ALLC: variants seen among roughly 807,000 people sequenced by gnomAD.
The protein encoded by ALLC is allantoicase, also known as probable inactive allantoicase.
Under a neutral mutation model 45.0 loss-of-function variants are expected in ALLC, and 40 were observed. The observed-to-expected ratio is 0.89, with a 90% CI of 0.69 to 1.16. The LOEUF (loss-of-function observed/expected upper bound fraction) is 1.16, where lower values mean the gene tolerates loss of function less well. Ranked by LOEUF, ALLC falls within the 50% of genes most tolerant of loss-of-function variation. The pLI is 0.00. For synonymous variants in ALLC, 176 were observed against 178.1 expected (o/e 0.99, Z 0.09); for missense variants, 488 against 493.1 (o/e 0.99, Z 0.10).
At chr2:3,668,120 A>C (rs961192907) in intron 1 of ALLC, among the ~76,000 whole-genome samples, 1 of 152,186 alleles carries the variant, frequency 6.6e-6, no homozygotes, top group African/African-American at 2.4e-5. Context: ...TTTGGGAACA[A>C]AGATGGGCCC....
chr2:3,663,585 A>AG (rs1666627135), intron 1 of ALLC, among the ~76,000 whole-genome samples: 1 of 113,052 alleles, frequency 8.8e-6, no homozygotes, highest in East Asian at 2.5e-4. Context: ...TAAAAGTTGG[A>AG]AAAAAAAAAA....
chr2:3,649,127 G>A, the ALLC span, among the ~76,000 whole-genome samples: 12 of 152,174 alleles, frequency 7.9e-5, no homozygotes, highest in Admixed American at 6.5e-5. Context: ...GGGTGAAATG[G>A]CAGTTAATGA....
At chr2:3,647,019 G>A in the ALLC span, among the ~76,000 whole-genome samples, 1 of 152,056 alleles carries the variant, frequency 6.6e-6, no homozygotes. Context: ...GTGCCCTGCT[G>A]TCCATCATCC....
At chr2:3,651,292 CT>C in the ALLC span, among the ~76,000 whole-genome samples, 74,314 of 86,970 alleles carry the variant, frequency 0.85, 31,441 homozygotes, top group East Asian at 0.92. Context: ...TGCGGGAATT[CT>C]TTTTGGGTGG....
chr2:3,687,637 G>T lies in ALLC; in HGVS notation c.511+4563G>T, dbSNP rs1007151742. Among the ~76,000 whole-genome samples the T allele has an allele frequency of 3.3e-5, 5 of 150,836 alleles. 1 individual carries two copies. The highest frequency in any genetic ancestry group is 7.4e-5 in the Non-Finnish European group (5 of 67,552). ...CATCATTCATTATTGGTTTATTAAG[G>T]TTTTCTATTTCTTCATGGTTCAATC... On this transcript the variant is annotated intron_variant, in intron 7 of 11. Transcript: ENST00000252505.
At chr2:3,682,645 C>T (rs945471438) in intron 6 of ALLC, among the ~76,000 whole-genome samples, 1 of 152,160 alleles carries the variant, frequency 6.6e-6, no homozygotes, top group Non-Finnish European at 1.5e-5. Context: ...CCTGCCTCAG[C>T]CTCCCGAGTA....
chr2:3,682,605 A>G (rs1319743531), intron 6 of ALLC, among the ~76,000 whole-genome samples: 1 of 152,156 alleles, frequency 6.6e-6, no homozygotes. Flanking sequence ...GGCTCACTGC[A>G]AGCTCCGCCT....
chr2:3,656,586 C>T (rs1018020956), upstream of ALLC, among the ~76,000 whole-genome samples: 3 of 152,234 alleles, frequency 2.0e-5, no homozygotes, highest in Non-Finnish European at 2.9e-5. Context: ...GCTGCCACGT[C>T]GGATGGGGCA....
intron 2 of ALLC, 103 bp from the exon 3 acceptor site, chr2:3,673,972 C>A: frequency 1.1e-6 from 1 of 879,738 alleles, no homozygotes. Context: ...GGTGATTTCA[C>A]GTTTTCTTTT....
the ALLC span, among the ~76,000 whole-genome samples, chr2:3,652,138 T>C: frequency 2.0e-5 from 3 of 152,188 alleles, no homozygotes; most frequent in African/African-American, 4.8e-5. Context: ...TCGGTGCGTG[T>C]GGAAGGGAAC....
the ALLC span, among the ~76,000 whole-genome samples, chr2:3,651,117 C>G: frequency 6.6e-6 from 1 of 151,638 alleles, no homozygotes; most frequent in Non-Finnish European, 1.5e-5. Flanking sequence ...GAAGCGTGGG[C>G]TGAGATGGAT....
At chr2:3,651,308 GTGGGT>G in the ALLC span, among the ~76,000 whole-genome samples, 86 of 5,042 alleles carry the variant, frequency 0.017, 2 homozygotes, top group Non-Finnish European at 0.022. Context: ...GGGTGGGTGG[GTGGGT>G]GGGGGGGGTG....
chr2:3,692,007 C>T (rs1667529664), intron 7 of ALLC, among the ~76,000 whole-genome samples: 1 of 152,088 alleles, frequency 6.6e-6, no homozygotes, highest in South Asian at 2.1e-4. Flanking sequence ...TTCTAAGCTG[C>T]TTTTGTGTGT....
chr2:3,684,212 G>A (rs1667269068), intron 7 of ALLC, among the ~76,000 whole-genome samples: 1 of 152,024 alleles, frequency 6.6e-6, no homozygotes, highest in Admixed American at 6.5e-5. Flanking sequence ...TAACAGCCAC[G>A]TAAAGGAGTG....
chr2:3,683,002 G>A lies in ALLC; in HGVS notation c.439G>A (p.Ala147Thr). 1 of 1,613,986 alleles carries A rather than the reference G, an allele frequency of 6.2e-7. No individual in the cohort carries two copies. The highest frequency in any genetic ancestry group is 1.6e-4 in the Middle Eastern group (1 of 6,062). Residue 147 changes from alanine (A) to threonine (T), a missense_variant, in exon 7 of 12, where the codon GCT (alanine) becomes ACT (threonine). Physicochemically the swap from Ala to Thr is moderately conservative, Grantham distance 58. Coordinates refer to ENST00000252505, the MANE Select transcript of ALLC (RefSeq NM_018436.4). Reference sequence around the variant, plus strand: ...GACTGAGCTTAAGCCAGGAAACCCTGCTTCCGGCCACAACTATTTTCTTGT... The same window carrying A: ...GACTGAGCTTAAGCCAGGAAACCCTACTTCCGGCCACAACTATTTTCTTGT... ...PMTELKPGNP[A>T]SGHNYFLVNS... is the part of the protein sequence containing the mutation.
At chr2:3,651,253 C>T in the ALLC span, among the ~76,000 whole-genome samples, 1 of 136,306 alleles carries the variant, frequency 7.3e-6, no homozygotes, top group Non-Finnish European at 1.5e-5. Context: ...GTTTGCAGAG[C>T]CACGGAGGGC....
At chr2:3,663,689 C>T (rs1379382272) in intron 1 of ALLC, among the ~76,000 whole-genome samples, 1 of 152,092 alleles carries the variant, frequency 6.6e-6, no homozygotes, top group Non-Finnish European at 1.5e-5. Flanking sequence ...TTGAGGGTTT[C>T]CTATGTTGAT....
intron 7 of ALLC, among the ~76,000 whole-genome samples, chr2:3,694,213 C>G (rs1222411050): frequency 6.6e-6 from 1 of 152,170 alleles, no homozygotes; most frequent in Non-Finnish European, 1.5e-5. Context: ...TGAAGGGTCC[C>G]TAAGCACATG....
At chr2:3,700,384 C>T (rs1452730440) in intron 10 of ALLC, among the ~76,000 whole-genome samples, 1 of 152,164 alleles carries the variant, frequency 6.6e-6, no homozygotes, top group East Asian at 1.9e-4. Flanking sequence ...CTTGTTCATA[C>T]ATACTTGCAT....
Sources: gnomAD v4.1 joint callset for allele counts (sites outside exome capture counted in the v4.1 genomes callset) on GRCh38, gnomAD v4.1.1 for gene constraint, MANE v1.5 for transcripts, NCBI Gene and HGNC (gene_info 2026-07-23, HGNC 2026-07-21) for gene names.